Variants in ENO4 observed in about 807,000 individuals in gnomAD.
The protein encoded by ENO4 is enolase 4.
In ENO4, 53 loss-of-function variants were observed where a neutral mutation model predicts 63.2. The observed-to-expected ratio is 0.84, with a 90% CI of 0.67 to 1.05. The LOEUF (loss-of-function observed/expected upper bound fraction) is 1.05. Among genes scored for constraint, ENO4 ranks in the 50% least tolerant of loss-of-function variants. The pLI is 0.00. For missense variants in ENO4, 719 were observed against 772.0 expected, an observed-to-expected ratio of 0.93 and a Z score of 0.81; for synonymous variants, 266 against 283.8, an observed-to-expected ratio of 0.94 and a Z score of 0.63.
At chr10:116,912,291 CTCAGCTCCA>C (rs1459836070), downstream of ENO4, among the ~76,000 whole-genome samples, 1 of 152,192 alleles carries the variant, frequency 6.6e-6, no homozygotes, top group African/African-American at 2.4e-5. Flanking sequence ...GAAAACCTCT[CTCAGCTCCA>C]CCAGCTATGG....
Position 116,849,545 on chromosome 10 carries a change from C to T in ENO4, c.-22C>T. The stretch of plus-strand genomic sequence containing the variant: ...TCGTGGGACCCCAGGCTAAACCCCG[C>T]TGTAGCCTTAAATCTCCTACCATGG... On this transcript the variant is annotated 5_prime_UTR_variant, in exon 1 of 14. Coordinates refer to ENST00000341276, the MANE Select transcript of ENO4 (RefSeq NM_001242699.2). 6.6e-7 allele frequency: 1 copy of T among 1,512,232 alleles called. No homozygotes were observed. The highest frequency in any genetic ancestry group is 8.9e-7 in the Non-Finnish European group (1 of 1,128,124). 93.7% of individuals were successfully genotyped at this position (1,512,232 alleles called of 1,614,324 possible).
intron 4 of ENO4, 30 bp downstream of exon 4, chr10:116,859,168 T>C: frequency 2.0e-6 from 3 of 1,498,842 alleles, no homozygotes; most frequent in Non-Finnish European, 2.7e-6. Context: ...TGCAGAGTCG[T>C]TAGTAACAAA....
At chr10:116,890,535 A>AC (rs1247146585) in intron 10 of ENO4, among the ~76,000 whole-genome samples, 2 of 152,242 alleles carry the variant, frequency 1.3e-5, no homozygotes, top group Non-Finnish European at 2.9e-5. Flanking sequence ...ATCCATTCAT[A>AC]TAGATATTTT....
intron 11 of ENO4, 41 bp from the exon 12 acceptor site, chr10:116,879,250 C>T: frequency 1.4e-6 from 2 of 1,457,348 alleles, no homozygotes; most frequent in South Asian, 1.3e-5. Context: ...TGTATCCTAA[C>T]TTTCTACACC....
At chr10:116,911,904 G>A, downstream of ENO4, 1 of 1,202,124 alleles carries the variant, frequency 8.3e-7, no homozygotes, top group Non-Finnish European at 1.2e-6. Flanking sequence ...ACTAAACAAT[G>A]ATTTTTACAT....
At chr10:116,902,014 G>C in intron 10 of ENO4, 1 of 1,423,262 alleles carries the variant, frequency 7.0e-7, no homozygotes, top group Non-Finnish European at 9.4e-7. Flanking sequence ...TTATTAATAT[G>C]GTACTGAAAA....
downstream of ENO4, chr10:116,886,249 A>T: frequency 1.3e-6 from 2 of 1,497,612 alleles, no homozygotes; most frequent in Non-Finnish European, 1.8e-6. Flanking sequence ...TACAGTGACC[A>T]GAGCAGAATG....
At chr10:116,908,328 C>T (rs1457060583) in intron 10 of ENO4, among the ~76,000 whole-genome samples, 1 of 152,080 alleles carries the variant, frequency 6.6e-6, no homozygotes, top group East Asian at 1.9e-4. Flanking sequence ...TCACATGTAA[C>T]ACTATAATGG....
chr10:116,878,786 A>G (rs533370485), intron 11 of ENO4, among the ~76,000 whole-genome samples: 1 of 122,406 alleles, frequency 8.2e-6, no homozygotes, highest in South Asian at 2.7e-4. Flanking sequence ...TCTGTCGCCC[A>G]GAGCTGGAGT....
chr10:116,884,952 C>T (rs1564857583), downstream of ENO4: 1 of 152,198 alleles, frequency 6.6e-6, no homozygotes, highest in African/African-American at 2.4e-5. Context: ...AAAAACATTA[C>T]GTTTTAATTC....
chr10:116,907,884 T>G (rs1357143776), intron 10 of ENO4: 1 of 518,268 alleles, frequency 1.9e-6, no homozygotes, highest in Non-Finnish European at 3.9e-6. Flanking sequence ...ACTAAGGACT[T>G]GCCTTAATCC....
In ENO4 at chr10:116,859,046, G is replaced by A; in HGVS notation, c.542G>A (p.Ser181Asn). Residue 181 changes from serine to asparagine, a missense_variant, in exon 4 of 14, where the codon AGC becomes AAC. By Grantham distance (46) the Ser-to-Asn change is conservative. Transcript: ENST00000341276. ...AAGGGGAGAAAAGAATTGGAAAAGA[G>A]CCTGGAATACTCAACAGTGCCTACA... ...EDKGRKELEKSLEYSTVPTPL... is the reference protein window; with the variant it reads ...EDKGRKELEKNLEYSTVPTPL... The A allele has an allele frequency of 6.5e-7, 1 of 1,535,786 alleles. No homozygotes were observed. Among genetic ancestry groups the A allele is most frequent in the Non-Finnish European group, 8.7e-7 (1 of 1,146,724 alleles).
chr10:116,887,637 C>T (rs1329470190), intron 10 of ENO4, among the ~76,000 whole-genome samples: 3 of 152,164 alleles, frequency 2.0e-5, no homozygotes, highest in African/African-American at 4.8e-5. Context: ...GCAGGAGACA[C>T]TCTTTTACCA....
chr10:116,865,758 A>G (rs184952537), intron 7 of ENO4, among the ~76,000 whole-genome samples: 3 of 152,276 alleles, frequency 2.0e-5, no homozygotes, highest in African/African-American at 7.2e-5. Context: ...TGCAATGTAC[A>G]GGGCGGCCCC....
chr10:116,894,658 GAAGT>G (rs757921314), intron 10 of ENO4, among the ~76,000 whole-genome samples: 9 of 152,158 alleles, frequency 5.9e-5, no homozygotes, highest in Non-Finnish European at 8.8e-5. Context: ...TCTCCCTTTT[GAAGT>G]AAGGTTTTAA....
At chr10:116,885,414 G>A (rs1847135955), downstream of ENO4, 1 of 151,874 alleles carries the variant, frequency 6.6e-6, no homozygotes, top group African/African-American at 2.4e-5. Flanking sequence ...CTGAAACATT[G>A]TATTTTTAGA....
chr10:116,855,778 T>C (rs1299832453), intron 2 of ENO4, 27 bp downstream of exon 2: 1 of 1,516,588 alleles, frequency 6.6e-7, no homozygotes, highest in Non-Finnish European at 8.8e-7. Context: ...GTGTGTTCTT[T>C]AATGTCCTGG....
At chr10:116,901,295 T>C (rs925684662) in intron 10 of ENO4, 3 of 985,252 alleles carry the variant, frequency 3.0e-6, no homozygotes, top group African/African-American at 1.7e-5. Flanking sequence ...CTTTACATAG[T>C]ATGTTTTCAT....
Position 116,878,800 on chromosome 10 carries a change from G to A in ENO4, c.1538-491G>A, listed in dbSNP as rs566867329. 4.2e-5 allele frequency among the ~76,000 whole-genome samples: 6 copies of A among 141,748 alleles called. No homozygotes were observed. In the East Asian group the frequency reaches 8.4e-4, roughly 20 times the overall value. 93.0% of individuals were successfully genotyped at this position (141,748 alleles called of 152,430 possible). On this transcript the variant is annotated intron_variant, in intron 11 of 13. Transcript: ENST00000341276. ...CTCTGTCGCCCAGAGCTGGAGTGCA[G>A]TGGCGCGATCTCAGCTCACTGCAAG...
Sources: gnomAD v4.1 joint callset for allele counts (sites outside exome capture counted in the v4.1 genomes callset) on GRCh38, gnomAD v4.1.1 for gene constraint, MANE v1.5 for transcripts, NCBI Gene and HGNC (gene_info 2026-07-23, HGNC 2026-07-21) for gene names.